The following FGF1 variants were observed in gnomAD, a reference collection of about 807,000 sequenced individuals.
FGF1 encodes fibroblast growth factor 1, also known as beta-endothelial cell growth factor.
In FGF1, 9 loss-of-function variants were observed where a neutral mutation model predicts 13.4. The observed-to-expected ratio is 0.67, with a 90% CI of 0.40 to 1.17. The LOEUF (loss-of-function observed/expected upper bound fraction) is 1.17, where lower values mean the gene tolerates loss of function less well. Among genes scored for constraint, FGF1 ranks in the 50% most tolerant of loss-of-function variants. FGF1 has a pLI of 0.01. For synonymous variants in FGF1, 93 were observed against 79.0 expected (o/e 1.18, Z -0.94); for missense variants, 156 against 192.7 (o/e 0.81, Z 1.13).
Position 142,592,257 on chromosome 5 carries a change from G to A in FGF1, c.*3033C>T, listed in dbSNP as rs1754400710. 1 of 398,030 alleles carries A rather than the reference G, an allele frequency of 2.5e-6. No homozygotes were observed. Among genetic ancestry groups the A allele is most frequent in the African/African-American group, 2.1e-5 (1 of 48,608 alleles). The allele number at this position is 398,030 out of a possible 1,614,324, so 24.7% of individuals were successfully genotyped here. A position where few individuals can be genotyped will look rare whatever the true frequency, so the allele number is the denominator to read the frequency against. Reference sequence around the variant, plus strand: ...AAAAAGACAGTGATGTGAAATAACAGGCATCTTCATCAGAGGTCTGCTTTG... The same window carrying A: ...AAAAAGACAGTGATGTGAAATAACAAGCATCTTCATCAGAGGTCTGCTTTG... On this transcript the variant is annotated 3_prime_UTR_variant, in exon 4 of 4. Coordinates refer to ENST00000337706, the MANE Select transcript of FGF1 (RefSeq NM_000800.5).
rs143059452 is a variant in FGF1, at chr5:142,622,834, T to C, written c.-34-8673A>G. Among the ~76,000 whole-genome samples the C allele has an allele frequency of 5.3e-4, 81 of 152,338 alleles. No individual in the cohort carries two copies. In the Middle Eastern group the frequency reaches 0.01, roughly 19 times the overall value. The stretch of plus-strand genomic sequence containing the variant: ...GAGGTAGGAGTGTAGCCATGGCTGA[T>C]TGGCCTGGGCTAGCATCTCAGCATG... On this transcript the variant is annotated intron_variant, in intron 1 of 3. Coordinates refer to ENST00000337706, the MANE Select transcript of FGF1 (RefSeq NM_000800.5).
At chr5:142,696,624 G>A (rs1597501760) in intron 2 of FGF1, among the ~76,000 whole-genome samples, 1 of 152,202 alleles carries the variant, frequency 6.6e-6, no homozygotes, top group Admixed American at 6.5e-5. Context: ...AGGACGCAGG[G>A]GAGGCAAAGC....
At position 142,614,089 on chromosome 5, in the gene FGF1, G is replaced by A. The variant is rs545800078; in HGVS notation, c.39C>T (p.Thr13=). The change falls in exon 2 of 4, where the codon ACC becomes ACT. Residue 13 remains threonine (T), a synonymous_variant. Transcript: ENST00000337706. Reference sequence around the variant, plus strand: ...TCCCTGGAGGCAGATTAAACTTCTCGGTCAGGGCTGTGAAGGTGGTGATTT... The same window carrying A: ...TCCCTGGAGGCAGATTAAACTTCTCAGTCAGGGCTGTGAAGGTGGTGATTT... The part of the protein sequence containing the change: ...EGEITTFTAL[T]EKFNLPPGNY... The A allele has an allele frequency of 1.4e-5, 22 of 1,614,170 alleles. No homozygotes were observed. Among genetic ancestry groups the A allele is most frequent in the Middle Eastern group, 1.6e-4 (1 of 6,062 alleles).
intron 1 of FGF1, among the ~76,000 whole-genome samples, chr5:142,661,169 C>A (rs1001945487): frequency 2.0e-5 from 3 of 152,226 alleles, no homozygotes; most frequent in African/African-American, 7.2e-5. Flanking sequence ...CTGTGACATG[C>A]AGGCATTGTG....
chr5:142,681,921 G>A (rs1487075331), intron 1 of FGF1, among the ~76,000 whole-genome samples: 3 of 152,156 alleles, frequency 2.0e-5, no homozygotes, highest in Admixed American at 6.5e-5. Context: ...GTTGGGGACC[G>A]GTCCAAAAGC....
intron 1 of FGF1, among the ~76,000 whole-genome samples, chr5:142,678,730 A>G (rs532282185): frequency 2.6e-5 from 4 of 152,306 alleles, no homozygotes; most frequent in African/African-American, 9.6e-5. Context: ...GAGAGGCTAG[A>G]TTTATAAGAC....
chr5:142,617,182 T>C (rs1760437185), intron 1 of FGF1, among the ~76,000 whole-genome samples: 1 of 151,964 alleles, frequency 6.6e-6, no homozygotes, highest in Non-Finnish European at 1.5e-5. Flanking sequence ...CTGGCCAACA[T>C]GGCAAAAACC....
chr5:142,695,222 G>C (rs1597497195), intron 2 of FGF1, among the ~76,000 whole-genome samples: 2 of 152,202 alleles, frequency 1.3e-5, no homozygotes, highest in Middle Eastern at 6.8e-3. Flanking sequence ...ATGCCTGTAG[G>C]GACTCCAGCA....
At chr5:142,686,573 C>A (rs1318205933), upstream of FGF1, 2 of 152,254 alleles carry the variant, frequency 1.3e-5, no homozygotes, top group African/African-American at 4.8e-5. Context: ...CGGAGACTCT[C>A]CTCTGGAGTC....
At chr5:142,619,705 T>TGC (rs1761110609) in intron 1 of FGF1, among the ~76,000 whole-genome samples, 2 of 151,902 alleles carry the variant, frequency 1.3e-5, no homozygotes, top group Non-Finnish European at 2.9e-5. Flanking sequence ...TGGTGGCGCA[T>TGC]GCCTGTAATC....
chr5:142,648,915 A>G (rs1418694702), intron 1 of FGF1, among the ~76,000 whole-genome samples: 1 of 152,144 alleles, frequency 6.6e-6, no homozygotes, highest in East Asian at 1.9e-4. Flanking sequence ...GTGCTTATTA[A>G]TGCATGGGCA....
intron 1 of FGF1, chr5:142,680,586 G>C (rs1773529069): frequency 6.6e-6 from 1 of 152,146 alleles, no homozygotes. Flanking sequence ...CCTCACTTAT[G>C]GGATTGTTGT....
intron 1 of FGF1, among the ~76,000 whole-genome samples, chr5:142,674,525 G>A (rs1387652047): frequency 6.6e-6 from 1 of 152,182 alleles, no homozygotes; most frequent in Non-Finnish European, 1.5e-5. Context: ...AAACCCTTGG[G>A]TAGAGTGAGA....
upstream of FGF1, among the ~76,000 whole-genome samples, chr5:142,689,732 C>A (rs1751854636): frequency 7.0e-6 from 1 of 143,556 alleles, no homozygotes; most frequent in Non-Finnish European, 1.5e-5. Flanking sequence ...AAGAGTCTCG[C>A]TCTGTCGCCC....
chr5:142,662,990 C>A lies in FGF1; in HGVS notation c.-35+22967G>T, dbSNP rs151163776. ...AGGCACGTGCCACTAGGCCCAGATA[C>A]ATTTTTTTGTAGTTGTAGAGATGGG... On this transcript the variant is annotated intron_variant, in intron 1 of 3. Transcript: ENST00000337706. 1.2e-3 allele frequency among the ~76,000 whole-genome samples: 181 copies of A among 152,164 alleles called. 1 individual carries two copies. Among genetic ancestry groups the A allele is most frequent in the African/African-American group, 4.0e-3 (165 of 41,528 alleles).
intron 1 of FGF1, among the ~76,000 whole-genome samples, chr5:142,636,067 A>T (rs891580537): frequency 6.6e-6 from 1 of 152,232 alleles, no homozygotes; most frequent in African/African-American, 2.4e-5. Flanking sequence ...GGGTGAGGCA[A>T]CATAAGTGAA....
chr5:142,596,634 A>G (rs1041291299), intron 3 of FGF1, among the ~76,000 whole-genome samples: 3 of 151,112 alleles, frequency 2.0e-5, no homozygotes, highest in Admixed American at 6.6e-5. Flanking sequence ...CCTCCTAGCT[A>G]CTTAGGAGGC....
At chr5:142,667,357 T>C (rs10072693) in intron 1 of FGF1, among the ~76,000 whole-genome samples, 43,759 of 150,420 alleles carry the variant, frequency 0.29, 7,341 homozygotes, top group African/African-American at 0.47. Context: ...GAGGCCGAGG[T>C]GGGCGGGTCA....
At chr5:142,606,212 C>CTGTG (rs1430289422) in intron 2 of FGF1, among the ~76,000 whole-genome samples, 791 of 60,060 alleles carry the variant, frequency 0.013, 12 homozygotes, top group African/African-American at 0.063. Flanking sequence ...AACATTCTTT[C>CTGTG]TCTCTCTGTG....
Sources: allele counts gnomAD v4.1 joint callset (sites outside exome capture counted in the v4.1 genomes callset), GRCh38; gene constraint gnomAD v4.1.1; transcripts MANE v1.5; gene names NCBI Gene and HGNC (gene_info 2026-07-23, HGNC 2026-07-21).